DLG2: variants seen among roughly 807,000 people sequenced by gnomAD.
The protein encoded by DLG2 is disks large homolog 2.
In DLG2, 45 loss-of-function variants were observed where a neutral mutation model predicts 132.5. The observed-to-expected ratio is 0.34, with a 90% CI of 0.27 to 0.44. The LOEUF is 0.44. DLG2 is among the 20% of genes least tolerant of loss of function. The pLI, the probability that DLG2 is intolerant of heterozygous loss-of-function variation, is 1.00. For synonymous variants in DLG2, 424 were observed against 419.6 expected (o/e 1.01, Z -0.13); for missense variants, 1,045 against 1,196.9 (o/e 0.87, Z 1.87).
intron 6 of DLG2, among the ~76,000 whole-genome samples, chr11:84,702,256 T>C (rs937984727): frequency 6.6e-6 from 1 of 151,652 alleles, no homozygotes; most frequent in Non-Finnish European, 1.5e-5. Context: ...TGGTTCTTGC[T>C]ACATGTTCTG....
intron 7 of DLG2, among the ~76,000 whole-genome samples, chr11:84,427,810 C>T (rs1030918978): frequency 1.3e-5 from 2 of 152,138 alleles, no homozygotes; most frequent in African/African-American, 4.8e-5. Flanking sequence ...AGGAATACCA[C>T]GGACCTCAAT....
intron 6 of DLG2, among the ~76,000 whole-genome samples, chr11:85,092,291 A>G (rs991091943): frequency 1.3e-5 from 2 of 152,186 alleles, no homozygotes; most frequent in Non-Finnish European, 1.5e-5. Context: ...ATAATCCCAA[A>G]AGACACAATC....
intron 7 of DLG2, among the ~76,000 whole-genome samples, chr11:84,482,475 A>C (rs1329276424): frequency 2.0e-5 from 3 of 152,258 alleles, no homozygotes; most frequent in Admixed American, 2.0e-4. Flanking sequence ...TGATTATGTC[A>C]GTTAATAATA....
chr11:85,368,455 T>TATG (rs2084718248), intron 3 of DLG2, among the ~76,000 whole-genome samples: 1 of 152,186 alleles, frequency 6.6e-6, no homozygotes, highest in Non-Finnish European at 1.5e-5. Flanking sequence ...AACAAATCAT[T>TATG]TGACATATAT....
intron 9 of DLG2, among the ~76,000 whole-genome samples, chr11:84,159,300 GT>G (rs2154259064): frequency 6.6e-6 from 1 of 152,228 alleles, no homozygotes; most frequent in East Asian, 1.9e-4. Flanking sequence ...TCAGATACTG[GT>G]GAGTGCAATT....
intron 6 of DLG2, among the ~76,000 whole-genome samples, chr11:84,552,925 A>G (rs1363251033): frequency 6.6e-6 from 1 of 152,216 alleles, no homozygotes; most frequent in Non-Finnish European, 1.5e-5. Context: ...TGAAATTCAC[A>G]ACATTCTCAA....
chr11:84,912,174 G>A (rs966441840), intron 6 of DLG2, among the ~76,000 whole-genome samples: 8 of 152,098 alleles, frequency 5.3e-5, no homozygotes, highest in Non-Finnish European at 1.0e-4. Flanking sequence ...TTTTAAGACG[G>A]AGTCTCACTC....
chr11:84,356,476 T>C (rs2098612602), intron 7 of DLG2, among the ~76,000 whole-genome samples: 1 of 152,084 alleles, frequency 6.6e-6, no homozygotes, highest in Non-Finnish European at 1.5e-5. Flanking sequence ...CAAGACTATC[T>C]GGCCTTAAAT....
At chr11:83,877,099 C>A (rs2064965942) in intron 15 of DLG2, among the ~76,000 whole-genome samples, 1 of 151,980 alleles carries the variant, frequency 6.6e-6, no homozygotes, top group Non-Finnish European at 1.5e-5. Flanking sequence ...TTATTAATTA[C>A]TTTTCAAAAG....
chr11:83,757,057 G>A (rs1384408086), intron 18 of DLG2, among the ~76,000 whole-genome samples: 3 of 152,114 alleles, frequency 2.0e-5, no homozygotes, highest in South Asian at 2.1e-4. Context: ...CCTATTCACC[G>A]AGTGCTTAGT....
intron 4 of DLG2, among the ~76,000 whole-genome samples, chr11:85,245,449 G>C (rs1157714978): frequency 6.6e-6 from 1 of 151,702 alleles, no homozygotes; most frequent in Non-Finnish European, 1.5e-5. Flanking sequence ...GAAATATTTT[G>C]ACTTTACCTT....
intron 6 of DLG2, among the ~76,000 whole-genome samples, chr11:84,957,124 A>G (rs1158155620): frequency 6.6e-6 from 1 of 152,172 alleles, no homozygotes; most frequent in African/African-American, 2.4e-5. Context: ...TATGATTTTC[A>G]TTTGACAGAT....
rs78374201 is a variant in DLG2, at chr11:83,874,037, A to T, written c.1565+383T>A. On this transcript the variant is annotated intron_variant, in intron 16 of 27. Transcript: ENST00000376104. Reference sequence around the variant, plus strand: ...ACTTATTAAATCTAGTACCTAGCACAGTGCTTGGCACATAAGGTGAGTTTC... The same window carrying T: ...ACTTATTAAATCTAGTACCTAGCACTGTGCTTGGCACATAAGGTGAGTTTC... 1.1e-4 allele frequency among the ~76,000 whole-genome samples: 16 copies of T among 152,266 alleles called. No individual in the cohort carries two copies. In the East Asian group the frequency reaches 3.1e-3, roughly 29 times the overall value.
At chr11:85,066,432 C>T (rs1238413127) in intron 6 of DLG2, among the ~76,000 whole-genome samples, 1 of 151,628 alleles carries the variant, frequency 6.6e-6, no homozygotes, top group East Asian at 1.9e-4. Flanking sequence ...AGAATCCTCC[C>T]TGACTCATTC....
intron 16 of DLG2, among the ~76,000 whole-genome samples, chr11:83,842,853 C>T (rs2057911616): frequency 6.6e-6 from 1 of 150,916 alleles, no homozygotes; most frequent in South Asian, 2.1e-4. Context: ...TTACTACTTA[C>T]ACTGAAGTCT....
At chr11:84,786,472 A>G (rs1054583983) in intron 6 of DLG2, among the ~76,000 whole-genome samples, 1 of 152,230 alleles carries the variant, frequency 6.6e-6, no homozygotes, top group African/African-American at 2.4e-5. Context: ...AGCTAAATAC[A>G]GCTAGAAAGA....
intron 18 of DLG2, among the ~76,000 whole-genome samples, chr11:83,720,613 G>T (rs546470289): frequency 1.3e-5 from 2 of 152,170 alleles, no homozygotes; most frequent in African/African-American, 4.8e-5. Flanking sequence ...GCCAATGCTG[G>T]TAACCACCAC....
intron 7 of DLG2, among the ~76,000 whole-genome samples, chr11:84,420,106 A>C (rs2098943465): frequency 6.6e-6 from 1 of 152,246 alleles, no homozygotes; most frequent in Non-Finnish European, 1.5e-5. Flanking sequence ...AAACAGGAGA[A>C]AAATCTTGTT....
chr11:83,869,570 T>C (rs1260832512), intron 16 of DLG2, among the ~76,000 whole-genome samples: 1 of 152,188 alleles, frequency 6.6e-6, no homozygotes, highest in Non-Finnish European at 1.5e-5. Context: ...GAAAGTACAA[T>C]AGCAGTATCA....
Sources: gnomAD v4.1 joint callset for allele counts (sites outside exome capture counted in the v4.1 genomes callset) on GRCh38, gnomAD v4.1.1 for gene constraint, MANE v1.5 for transcripts, NCBI Gene and HGNC (gene_info 2026-07-23, HGNC 2026-07-21) for gene names.